The following SCNN1A variants were observed in gnomAD, a reference collection of about 807,000 sequenced individuals.
The protein encoded by SCNN1A is sodium channel epithelial 1 subunit alpha.
In SCNN1A, 65 loss-of-function variants were observed where a neutral mutation model predicts 68.6. The observed-to-expected ratio is 0.95, with a 90% confidence interval of 0.78 to 1.16. SCNN1A has a LOEUF of 1.16. Among genes scored for constraint, SCNN1A ranks in the 50% most tolerant of loss-of-function variants. The pLI is 0.00. For missense variants in SCNN1A, 880 were observed against 865.9 expected (o/e 1.02, Z -0.20); for synonymous variants, 357 against 353.3 (o/e 1.01, Z -0.12).
Position 6,363,572 on chromosome 12 carries a change from C to T in SCNN1A, c.555G>A (p.Pro185=), listed in dbSNP as rs759343629. Reference sequence around the variant, plus strand: ...GGACCCTCAGGCGCTGCAAGGGGTGCGGCAGAGTCCCCCGCAGGTCGCGAC... The same window carrying T: ...GGACCCTCAGGCGCTGCAAGGGGTGTGGCAGAGTCCCCCGCAGGTCGCGAC... ...RSRRDLRGTL[P]HPLQRLRVPP... The change falls in exon 3 of 13, where the codon CCG becomes CCA. Residue 185 remains proline (P), a synonymous_variant. Transcript: ENST00000228916. 1.9e-6 allele frequency: 3 copies of T among 1,611,062 alleles called. No homozygotes were observed. The highest frequency in any genetic ancestry group is 2.7e-5 in the African/African-American group (2 of 74,832).
At chr12:6,365,673 T>TGAG (rs545494368) in intron 2 of SCNN1A, among the ~76,000 whole-genome samples, 197 of 152,350 alleles carry the variant, frequency 1.3e-3, no homozygotes, top group African/African-American at 4.4e-3. Flanking sequence ...CCTCAATCTC[T>TGAG]ACCTTATGCT....
At chr12:6,349,129 A>G in intron 10 of SCNN1A, 35 bp downstream of exon 10, 2 of 1,609,190 alleles carry the variant, frequency 1.2e-6, no homozygotes, top group South Asian at 1.1e-5. Flanking sequence ...ACATGGGCAC[A>G]CACATCCCCC....
Position 6,354,757 on chromosome 12 carries a change from G to A in SCNN1A, c.1235C>T (p.Thr412Ile), listed in dbSNP as rs975159676. ...PVENLYPSKY[T>I]QQVCIHSCFQ... ...AATCAGGTTGGGCCTCACCTGCTGTGTGTACTTTGAAGGGTAAAGGTTCTC... is the reference window on the plus strand; with the variant it reads ...AATCAGGTTGGGCCTCACCTGCTGTATGTACTTTGAAGGGTAAAGGTTCTC... The change falls in exon 7 of 13, where the codon ACA (threonine) becomes ATA (isoleucine). Residue 412 changes from threonine to isoleucine, a missense_variant. Physicochemically the swap from Thr to Ile is moderately conservative, Grantham distance 89. This residue lies in a region of SCNN1A where 758 missense variants were observed against 721.8 expected (regional missense o/e 1.05). Coordinates refer to ENST00000228916, the MANE Select transcript of SCNN1A (RefSeq NM_001038.6). 2 of 1,613,258 alleles carry A rather than the reference G, an allele frequency of 1.2e-6. No individual in the cohort carries two copies. Among genetic ancestry groups the A allele is most frequent in the African/African-American group, 2.7e-5 (2 of 74,806 alleles).
At chr12:6,359,852 C>G (rs1371311740) in intron 4 of SCNN1A, among the ~76,000 whole-genome samples, 2 of 146,062 alleles carry the variant, frequency 1.4e-5, no homozygotes, top group Non-Finnish European at 3.0e-5. Context: ...CTCACTGCAA[C>G]CTCCACCTCT....
At position 6,375,110 on chromosome 12, in the gene SCNN1A, C is replaced by T. The variant is rs186334381; in HGVS notation, c.-54-273G>A. 53 of 1,501,130 alleles carry T rather than the reference C, an allele frequency of 3.5e-5. 1 individual carries two copies. The Admixed American group carries it at 9.2e-4, about 26-fold the overall frequency. 93.0% of individuals were successfully genotyped at this position (1,501,130 alleles called of 1,614,324 possible). On this transcript the variant is annotated intron_variant, in intron 1 of 12. Coordinates refer to ENST00000228916, the MANE Select transcript of SCNN1A (RefSeq NM_001038.6). Reference sequence around the variant, plus strand: ...CTGCTTCCCTGATAGGGCCACCTTTCGAGTTTTGTCCTAGCACCTCCCTTT... The same window carrying T: ...CTGCTTCCCTGATAGGGCCACCTTTTGAGTTTTGTCCTAGCACCTCCCTTT...
intron 4 of SCNN1A, among the ~76,000 whole-genome samples, chr12:6,357,736 G>A (rs559521770): frequency 9.5e-4 from 144 of 152,112 alleles, no homozygotes; most frequent in Non-Finnish European, 1.8e-3. Context: ...AGTGGCTGAC[G>A]CCTGTAATCC....
intron 2 of SCNN1A, among the ~76,000 whole-genome samples, chr12:6,370,511 C>T (rs1440244123): frequency 6.6e-6 from 1 of 152,242 alleles, no homozygotes; most frequent in African/African-American, 2.4e-5. Context: ...CACAGAAGAG[C>T]CCATGCTCAT....
At chr12:6,375,421 A>G in intron 1 of SCNN1A, 84 bp downstream of exon 1, 3 of 1,528,886 alleles carry the variant, frequency 2.0e-6, no homozygotes, top group Admixed American at 2.0e-5. Context: ...GGCTGCCTCC[A>G]GCTTCCCACT....
chr12:6,369,631 G>A (rs1948749817), intron 2 of SCNN1A, among the ~76,000 whole-genome samples: 1 of 152,130 alleles, frequency 6.6e-6, no homozygotes, highest in South Asian at 2.1e-4. Context: ...AGGAGATTGA[G>A]ACCATCCTGG....
chr12:6,375,048 AG>A, intron 1 of SCNN1A: 3 of 1,536,160 alleles, frequency 2.0e-6, no homozygotes, highest in Non-Finnish European at 2.6e-6. Context: ...TGGGGCCAAA[AG>A]TGCCGGAGCT....
chr12:6,358,313 C>G (rs1465130046), intron 4 of SCNN1A, among the ~76,000 whole-genome samples: 1 of 152,114 alleles, frequency 6.6e-6, no homozygotes, highest in Non-Finnish European at 1.5e-5. Context: ...GAATTTAGAA[C>G]CTTCATACAT....
chr12:6,350,294 T>C (rs983082631), intron 8 of SCNN1A, among the ~76,000 whole-genome samples: 4 of 149,914 alleles, frequency 2.7e-5, no homozygotes, highest in African/African-American at 4.9e-5. Flanking sequence ...TAGCCGGGCG[T>C]GGTGGCGGGC....
rs1948392623 is a variant in SCNN1A at position 6,351,806 on chromosome 12, C to G, written c.1361-2401G>C. On this transcript the variant is annotated intron_variant, in intron 8 of 12. Coordinates refer to ENST00000228916, the MANE Select transcript of SCNN1A (RefSeq NM_001038.6). This position sits in a 1 kb window ranked among gnomAD's most constrained non-coding sequence, Gnocchi z 4.2. ...ACAGGGTCTCACTCCATTGCCCAGG[C>G]TGGAGTGCAGTGGCCTGATCATGGC... Among the ~76,000 whole-genome samples, 1 of 152,044 alleles carries G rather than the reference C, an allele frequency of 6.6e-6. No individual in the cohort carries two copies. Among genetic ancestry groups the G allele is most frequent in the Non-Finnish European group, 1.5e-5 (1 of 67,994 alleles).
chr12:6,348,315 A>C, intron 12 of SCNN1A, 62 bp from the exon 13 acceptor site: 4 of 1,611,194 alleles, frequency 2.5e-6, no homozygotes, highest in Non-Finnish European at 3.4e-6. Context: ...CTGGCAGAGG[A>C]GCCCCCTTCC....
chr12:6,353,840 T>A (rs573560690), intron 8 of SCNN1A: 1 of 146,826 alleles, frequency 6.8e-6, no homozygotes, highest in African/African-American at 2.6e-5. Context: ...CCGCCCGCCG[T>A]GGCCTCCCAA....
rs1948633738 is a variant in SCNN1A, at chr12:6,364,035, T to C, written c.417-325A>G. 6 of 222,772 alleles carry C rather than the reference T, an allele frequency of 2.7e-5. No homozygotes were observed. In the South Asian group the frequency reaches 4.4e-4, roughly 16 times the overall value. 13.8% of individuals were successfully genotyped at this position (222,772 alleles called of 1,614,324 possible). On this transcript the variant is annotated intron_variant, in intron 2 of 12. Transcript: ENST00000228916. ...AGGGAACCCGGAACTTGTCTGCCCT[T>C]TCCCAAAGAGGGGAAGGGTGAGGGC...
At chr12:6,367,820 T>C (rs1740169323) in intron 2 of SCNN1A, among the ~76,000 whole-genome samples, 1 of 152,242 alleles carries the variant, frequency 6.6e-6, no homozygotes, top group South Asian at 2.1e-4. Context: ...ACAAGGTTGT[T>C]TGAAAGAGCC....
In SCNN1A at chr12:6,349,293, T is replaced by C. The variant is rs763036059; in HGVS notation, c.1439+34A>G. The C allele has an allele frequency of 5.0e-6, 8 of 1,613,256 alleles. No homozygotes were observed. The South Asian group carries it at 5.5e-5, about 11-fold the overall frequency. ...ATGCTTGGCTCGGTAACCTGTATTCTACCCAACCTGTACCCGGGGAAGGGG... is the reference window on the plus strand; with the variant it reads ...ATGCTTGGCTCGGTAACCTGTATTCCACCCAACCTGTACCCGGGGAAGGGG... On this transcript the variant is annotated intron_variant, in intron 9 of 12. Transcript: ENST00000228916.
intron 2 of SCNN1A, among the ~76,000 whole-genome samples, chr12:6,369,343 C>A (rs915121053): frequency 7.6e-6 from 1 of 130,868 alleles, no homozygotes; most frequent in Admixed American, 8.0e-5. Context: ...ACCCTACGCA[C>A]CTCCCTCCTG....
Sources: gnomAD v4.1 joint callset for allele counts (sites outside exome capture counted in the v4.1 genomes callset) on GRCh38, gnomAD v4.1.1 for gene constraint, gnomAD v4.1.1 regional missense constraint, Gnocchi (gnomAD v3.1) non-coding constraint, MANE v1.5 for transcripts, NCBI Gene and HGNC (gene_info 2026-07-23, HGNC 2026-07-21) for gene names.